Variants in KIF21A observed in about 807,000 individuals in gnomAD.
KIF21A encodes the protein kinesin family member 21A, also known as kinesin-like protein KIF21A.
In KIF21A, 114 loss-of-function variants were observed where a neutral mutation model predicts 202.9. The observed-to-expected ratio is 0.56, with a 90% confidence interval of 0.48 to 0.66. The LOEUF (loss-of-function observed/expected upper bound fraction) is 0.66, where lower values mean the gene tolerates loss of function less well. KIF21A is among the 30% of genes least tolerant of loss of function. KIF21A has a pLI of 0.00. For synonymous variants in KIF21A, 667 were observed against 670.8 expected, an observed-to-expected ratio of 0.99 and a Z score of 0.09; for missense variants, 1,677 against 1,994.9, an observed-to-expected ratio of 0.84 and a Z score of 3.04.
intron 1 of KIF21A, among the ~76,000 whole-genome samples, chr12:39,377,097 A>G (rs1950317400): frequency 6.6e-6 from 1 of 151,930 alleles, no homozygotes; most frequent in Non-Finnish European, 1.5e-5. Context: ...TAGTTCTCCA[A>G]TTTATTCAAT....
intron 31 of KIF21A, among the ~76,000 whole-genome samples, chr12:39,313,607 T>C (rs1410031649): frequency 1.3e-5 from 2 of 151,884 alleles, no homozygotes; most frequent in Non-Finnish European, 3.0e-5. Flanking sequence ...ATCTTTGGTA[T>C]CTAGTCAATC....
At chr12:39,377,863 C>T (rs183078912) in intron 1 of KIF21A, among the ~76,000 whole-genome samples, 1 of 152,258 alleles carries the variant, frequency 6.6e-6, no homozygotes, top group East Asian at 1.9e-4. Context: ...TAATGATGAA[C>T]AGCTGTTAAA....
intron 1 of KIF21A, among the ~76,000 whole-genome samples, chr12:39,411,343 C>T (rs1255065305): frequency 6.6e-6 from 1 of 152,098 alleles, no homozygotes; most frequent in Admixed American, 6.5e-5. Flanking sequence ...TCTGAGACCC[C>T]ACCACAGACC....
chr12:39,378,289 A>T lies in KIF21A; in HGVS notation c.45-8028T>A, dbSNP rs574744575. On this transcript the variant is annotated intron_variant, in intron 1 of 37. Coordinates refer to ENST00000361418, the MANE Select transcript of KIF21A (RefSeq NM_001173464.2). Reference sequence around the variant, plus strand: ...AGTTCTCTCAATTGAGGAAACCAGTATCATTCACAAGGGGGTAACATTGTG... The same window carrying T: ...AGTTCTCTCAATTGAGGAAACCAGTTTCATTCACAAGGGGGTAACATTGTG... Among the ~76,000 whole-genome samples, 3 of 152,328 alleles carry T rather than the reference A, an allele frequency of 2.0e-5. No homozygotes were observed. In the East Asian group the frequency reaches 5.8e-4, roughly 29 times the overall value.
chr12:39,395,568 G>T lies in KIF21A; in HGVS notation c.45-25307C>A, dbSNP rs566931619. ...AAAAATCACCCACTTTCAGCCGGGC[G>T]CAGTGGCTGACGCCTGTAATCCCAG... On this transcript the variant is annotated intron_variant, in intron 1 of 37. Coordinates refer to ENST00000361418, the MANE Select transcript of KIF21A (RefSeq NM_001173464.2). 2.6e-3 allele frequency among the ~76,000 whole-genome samples: 403 copies of T among 152,136 alleles called. 1 individual carries two copies. The highest frequency in any genetic ancestry group is 0.015 in the South Asian group (74 of 4,820).
intron 24 of KIF21A, among the ~76,000 whole-genome samples, chr12:39,329,771 A>G (rs1946343046): frequency 6.6e-6 from 1 of 152,142 alleles, no homozygotes; most frequent in Admixed American, 6.6e-5. Flanking sequence ...AGTTTTGTTC[A>G]GTTTACAATA....
At chr12:39,335,521 C>T (rs1398279506) in intron 17 of KIF21A, among the ~76,000 whole-genome samples, 6 of 151,858 alleles carry the variant, frequency 4.0e-5, no homozygotes, top group Non-Finnish European at 7.4e-5. Context: ...TGCCAGGGGC[C>T]GGGGCAATGG....
intron 34 of KIF21A, 84 bp from the exon 35 acceptor site, chr12:39,305,022 C>T: frequency 1.4e-6 from 1 of 727,358 alleles, no homozygotes; most frequent in South Asian, 1.5e-5. Context: ...GATCTACATT[C>T]TTTCATAAAA....
rs1937647617 is a variant in KIF21A, at chr12:39,430,085, C to A, written c.44+12842G>T. Among the ~76,000 whole-genome samples, 5 of 151,342 alleles carry A rather than the reference C, an allele frequency of 3.3e-5. No homozygotes were observed. The South Asian group carries it at 1.0e-3, about 31-fold the overall frequency. ...CCATGCTTGGCTGGGCACGGTGGCTCATGCTTACAATCCCAGCACTTTGGG... is the reference window on the plus strand; with the variant it reads ...CCATGCTTGGCTGGGCACGGTGGCTAATGCTTACAATCCCAGCACTTTGGG... On this transcript the variant is annotated intron_variant, in intron 1 of 37. Coordinates refer to ENST00000361418, the MANE Select transcript of KIF21A (RefSeq NM_001173464.2).
intron 1 of KIF21A, among the ~76,000 whole-genome samples, chr12:39,404,086 T>C (rs531193250): frequency 1.8e-4 from 27 of 152,292 alleles, no homozygotes; most frequent in African/African-American, 6.0e-4. Context: ...TTTTATTCAT[T>C]CATTTTATAG....
chr12:39,419,245 A>G (rs1046101875), intron 1 of KIF21A, among the ~76,000 whole-genome samples: 2 of 152,164 alleles, frequency 1.3e-5, no homozygotes, highest in Non-Finnish European at 2.9e-5. Flanking sequence ...AGATTCATAA[A>G]CTTTAGAGCC....
At chr12:39,414,173 C>G (rs1036807621) in intron 1 of KIF21A, among the ~76,000 whole-genome samples, 7 of 152,144 alleles carry the variant, frequency 4.6e-5, no homozygotes, top group African/African-American at 9.7e-5. Context: ...ATGTTTCACT[C>G]AAGGAATTAG....
chr12:39,435,498 G>A (rs1372256210), intron 1 of KIF21A, among the ~76,000 whole-genome samples: 1 of 152,034 alleles, frequency 6.6e-6, no homozygotes, highest in Non-Finnish European at 1.5e-5. Flanking sequence ...GGGGTGACAG[G>A]CCTCCATTAC....
Position 39,319,975 on chromosome 12 carries a change from T to C in KIF21A, c.3710A>G (p.Glu1237Gly). ...CTTTCTCCTTGTTACAGGAGAAGGC[T>C]CTGGAATTTTTTTTTCTGATAGAGA... ...QSSLSEKKIP[E>G]PSPVTRRKAY... The change falls in exon 28 of 38, where the codon GAG becomes GGG. Residue 1237 changes from glutamate (E) to glycine (G), a missense_variant. By Grantham distance (98) the Glu-to-Gly change is moderately conservative (BLOSUM62 -2). Coordinates refer to ENST00000361418, the MANE Select transcript of KIF21A (RefSeq NM_001173464.2). 1 of 1,608,738 alleles carries C rather than the reference T, an allele frequency of 6.2e-7. No individual in the cohort carries two copies. Among genetic ancestry groups the C allele is most frequent in the Non-Finnish European group, 8.5e-7 (1 of 1,176,596 alleles).
intron 11 of KIF21A, among the ~76,000 whole-genome samples, chr12:39,349,546 TC>T (rs1183579479): frequency 6.6e-6 from 1 of 152,042 alleles, no homozygotes; most frequent in African/African-American, 2.4e-5. Context: ...CTGCTATCCT[TC>T]CAAACATTTC....
Position 39,302,848 on chromosome 12 carries a change from C to T in KIF21A, c.4731+117G>A, listed in dbSNP as rs1403226758. The T allele has an allele frequency of 1.6e-5, 15 of 912,372 alleles. No individual in the cohort carries two copies. The East Asian group carries it at 3.7e-4, about 22-fold the overall frequency. The allele number at this position is 912,372 out of a possible 1,614,324, so 56.5% of individuals were successfully genotyped here. A position where few individuals can be genotyped will look rare whatever the true frequency, so the allele number is the denominator to read the frequency against. On this transcript the variant is annotated intron_variant, in intron 36 of 37. Coordinates refer to ENST00000361418, the MANE Select transcript of KIF21A (RefSeq NM_001173464.2). ...ATGAAACATTCTTTAAGAAAAAGGC[C>T]TGATTAATATTATCTGTAAATGATA... is the stretch of plus-strand genomic sequence containing the variant.
At chr12:39,305,893 A>G (rs1440229543) in intron 34 of KIF21A, among the ~76,000 whole-genome samples, 1 of 152,210 alleles carries the variant, frequency 6.6e-6, no homozygotes, top group Non-Finnish European at 1.5e-5. Flanking sequence ...AAATACACAT[A>G]AGTGCATGTA....
At chr12:39,423,085 G>A (rs1423177684) in intron 1 of KIF21A, among the ~76,000 whole-genome samples, 2 of 152,154 alleles carry the variant, frequency 1.3e-5, no homozygotes, top group African/African-American at 2.4e-5. Context: ...TTTTGCTTCC[G>A]GCAAATAGTA....
At chr12:39,375,125 GTTC>G (rs1190273393) in intron 1 of KIF21A, among the ~76,000 whole-genome samples, 1 of 152,086 alleles carries the variant, frequency 6.6e-6, no homozygotes, top group Non-Finnish European at 1.5e-5. Context: ...CCTGCCTTCT[GTTC>G]TTTGCCTTTG....
Sources: gnomAD v4.1 joint callset for allele counts (sites outside exome capture counted in the v4.1 genomes callset) on GRCh38, gnomAD v4.1.1 for gene constraint, MANE v1.5 for transcripts, NCBI Gene and HGNC (gene_info 2026-07-23, HGNC 2026-07-21) for gene names.